ADGRB3: variants seen among roughly 807,000 people sequenced by gnomAD.
ADGRB3 encodes the protein adhesion G protein-coupled receptor B3, also known as brain-specific angiogenesis inhibitor 3.
Under a neutral mutation model 193.4 loss-of-function variants are expected in ADGRB3, and 37 were observed. That is an observed-to-expected ratio of 0.19 (90% confidence interval 0.15 to 0.25). The LOEUF (loss-of-function observed/expected upper bound fraction) is 0.25. Among genes scored for constraint, ADGRB3 ranks in the 10% least tolerant of loss-of-function variants. The pLI is 1.00. For missense variants in ADGRB3, 1,637 were observed against 1,852.9 expected, an observed-to-expected ratio of 0.88 and a Z score of 2.14; for synonymous variants, 690 against 644.2, an observed-to-expected ratio of 1.07 and a Z score of -1.08.
At chr6:69,047,516 T>A (rs930314301) in intron 13 of ADGRB3, among the ~76,000 whole-genome samples, 3 of 151,566 alleles carry the variant, frequency 2.0e-5, no homozygotes, top group African/African-American at 7.3e-5. Flanking sequence ...TTATATAATA[T>A]ATATTTATAC....
At chr6:69,172,737 G>A (rs1401808917) in intron 17 of ADGRB3, among the ~76,000 whole-genome samples, 2 of 149,930 alleles carry the variant, frequency 1.3e-5, no homozygotes, top group Non-Finnish European at 3.0e-5. Flanking sequence ...GTTAGAGACA[G>A]AAGCAATAAG....
chr6:68,749,121 G>A (rs1766142233), intron 3 of ADGRB3, among the ~76,000 whole-genome samples: 1 of 152,142 alleles, frequency 6.6e-6, no homozygotes, highest in Non-Finnish European at 1.5e-5. Flanking sequence ...TCTATGATGG[G>A]AGGGGCTGCC....
At chr6:69,180,925 T>C (rs1389843346) in intron 17 of ADGRB3, among the ~76,000 whole-genome samples, 2 of 152,098 alleles carry the variant, frequency 1.3e-5, no homozygotes, top group African/African-American at 2.4e-5. Flanking sequence ...TCTGGGAAAA[T>C]CCCAGCAGCT....
chr6:68,654,458 T>C (rs1384493622), intron 3 of ADGRB3, among the ~76,000 whole-genome samples: 1 of 151,982 alleles, frequency 6.6e-6, no homozygotes, highest in Non-Finnish European at 1.5e-5. Context: ...ATTGAGCAAG[T>C]AGGAAATTAA....
intron 31 of ADGRB3, 106 bp downstream of exon 31, chr6:69,383,041 A>G (rs1239805814): frequency 1.6e-6 from 1 of 616,678 alleles, no homozygotes; most frequent in Middle Eastern, 2.7e-4. Flanking sequence ...GAGTCTACAT[A>G]GAAAAAAAAA....
intron 3 of ADGRB3, among the ~76,000 whole-genome samples, chr6:68,681,889 A>T (rs973357403): frequency 3.3e-5 from 5 of 152,230 alleles, no homozygotes; most frequent in African/African-American, 1.2e-4. Flanking sequence ...GTCTGGTATG[A>T]CAACGGGATT....
chr6:69,044,126 A>G (rs987817373), intron 13 of ADGRB3, among the ~76,000 whole-genome samples: 2 of 152,222 alleles, frequency 1.3e-5, no homozygotes, highest in Admixed American at 1.3e-4. Flanking sequence ...CTTACCCTAA[A>G]AAATCAGGGA....
intron 31 of ADGRB3, among the ~76,000 whole-genome samples, chr6:69,387,446 A>C (rs1043920647): frequency 1.3e-5 from 2 of 152,126 alleles, no homozygotes; most frequent in African/African-American, 4.8e-5. Flanking sequence ...CCTTTCATTA[A>C]ATGTTTACTA....
intron 8 of ADGRB3, among the ~76,000 whole-genome samples, chr6:68,957,148 G>A (rs1932619): frequency 0.64 from 97,616 of 152,108 alleles, 31,664 homozygotes; most frequent in Middle Eastern, 0.79. Context: ...TGACCTTGAT[G>A]TGTGACCTTG....
At chr6:68,683,691 A>G (rs1171947105) in intron 3 of ADGRB3, among the ~76,000 whole-genome samples, 3 of 152,136 alleles carry the variant, frequency 2.0e-5, no homozygotes, top group Admixed American at 6.5e-5. Flanking sequence ...TTTGGCTTCC[A>G]TTTTTCCTGA....
chr6:69,172,057 A>G (rs1455276587), intron 17 of ADGRB3, among the ~76,000 whole-genome samples: 1 of 152,162 alleles, frequency 6.6e-6, no homozygotes, highest in African/African-American at 2.4e-5. Flanking sequence ...GCAACTTTGT[A>G]GTTGGAGGTT....
chr6:69,034,407 T>C (rs1770804841), intron 13 of ADGRB3, among the ~76,000 whole-genome samples: 1 of 151,454 alleles, frequency 6.6e-6, no homozygotes, highest in Non-Finnish European at 1.5e-5. Flanking sequence ...TATTTATTTT[T>C]AAATAATTTC....
chr6:68,876,447 T>A (rs1203630319), intron 3 of ADGRB3, among the ~76,000 whole-genome samples: 5 of 152,194 alleles, frequency 3.3e-5, no homozygotes, highest in Non-Finnish European at 2.9e-5. Flanking sequence ...TAGTCCACGC[T>A]TTCATAGAAA....
chr6:68,974,073 A>G (rs1232980660), intron 8 of ADGRB3, among the ~76,000 whole-genome samples: 1 of 152,098 alleles, frequency 6.6e-6, no homozygotes, highest in Non-Finnish European at 1.5e-5. Context: ...TTTACTCTTT[A>G]TGCTTATTTA....
At chr6:69,070,714 T>G (rs2150310832) in intron 16 of ADGRB3, among the ~76,000 whole-genome samples, 1 of 152,304 alleles carries the variant, frequency 6.6e-6, no homozygotes, top group Admixed American at 6.5e-5. Flanking sequence ...CCAATGAATC[T>G]ACATTTTCAG....
At chr6:68,886,131 G>T (rs1391080985) in intron 3 of ADGRB3, among the ~76,000 whole-genome samples, 2 of 152,092 alleles carry the variant, frequency 1.3e-5, no homozygotes, top group Non-Finnish European at 2.9e-5. Context: ...AGTAGTGTTA[G>T]CAGTGGAAAT....
At chr6:69,363,990 GA>G (rs1427342454) in intron 29 of ADGRB3, among the ~76,000 whole-genome samples, 2 of 151,982 alleles carry the variant, frequency 1.3e-5, no homozygotes, top group African/African-American at 4.8e-5. Flanking sequence ...ATGTTAAGGT[GA>G]AAATGGTAAA....
intron 3 of ADGRB3, among the ~76,000 whole-genome samples, chr6:68,809,194 G>C (rs974009088): frequency 6.6e-6 from 1 of 152,062 alleles, no homozygotes; most frequent in African/African-American, 2.4e-5. Context: ...AACCTGCAGA[G>C]GACGTACTCA....
At chr6:69,120,522 G>C (rs1433533380) in intron 17 of ADGRB3, among the ~76,000 whole-genome samples, 1 of 152,200 alleles carries the variant, frequency 6.6e-6, no homozygotes, top group Non-Finnish European at 1.5e-5. Flanking sequence ...CTCTATCTGA[G>C]CCTTAATTTT....
Sources: allele counts gnomAD v4.1 joint callset (sites outside exome capture counted in the v4.1 genomes callset), GRCh38; gene constraint gnomAD v4.1.1; transcripts MANE v1.5; gene names NCBI Gene and HGNC (gene_info 2026-07-23, HGNC 2026-07-21).